The following MAPK10 variants were observed in gnomAD, a reference collection of about 807,000 sequenced individuals.
The protein encoded by MAPK10 is JNK3 alpha protein kinase.
MAPK10 carries 25 observed loss-of-function variants against 59.3 expected under a neutral mutation model. The ratio of observed to expected loss-of-function variants is 0.42; its 90% CI spans 0.31 to 0.59. MAPK10 has a LOEUF of 0.59. MAPK10 is among the 20% of genes least tolerant of loss of function. MAPK10 has a pLI of 0.15. For missense variants in MAPK10, 351 were observed against 568.9 expected (o/e 0.62, Z 3.90); for synonymous variants, 190 against 200.5 (o/e 0.95, Z 0.44).
At chr4:86,373,456 A>G (rs1739237147) in intron 1 of MAPK10, among the ~76,000 whole-genome samples, 1 of 152,246 alleles carries the variant, frequency 6.6e-6, no homozygotes, top group African/African-American at 2.4e-5. Flanking sequence ...AGAAGCTATC[A>G]TCAGAGTGAA....
At chr4:86,118,531 G>A (rs540580201) in intron 4 of MAPK10, among the ~76,000 whole-genome samples, 5 of 151,332 alleles carry the variant, frequency 3.3e-5, no homozygotes, top group South Asian at 4.2e-4. Context: ...GCTTGATGAT[G>A]CTATAAAGCT....
intron 1 of MAPK10, among the ~76,000 whole-genome samples, chr4:86,501,537 C>G (rs1351672212): frequency 6.6e-6 from 1 of 152,012 alleles, no homozygotes; most frequent in African/African-American, 2.4e-5. Context: ...AAGAGCCCAG[C>G]TGGTAAGGAG....
intron 4 of MAPK10, chr4:86,118,012 G>A (rs570371829): frequency 2.0e-5 from 3 of 152,202 alleles, no homozygotes; most frequent in South Asian, 2.1e-4. Context: ...AGTCATTCAA[G>A]GTAGCCCAGA....
At chr4:86,165,692 C>T (rs747410056) in intron 3 of MAPK10, among the ~76,000 whole-genome samples, 1 of 151,478 alleles carries the variant, frequency 6.6e-6, no homozygotes, top group African/African-American at 2.4e-5. Context: ...TGAGCCACAG[C>T]ACCTGGCCTT....
At chr4:86,565,861 T>C (rs1425246765) in intron 1 of MAPK10, among the ~76,000 whole-genome samples, 1 of 152,202 alleles carries the variant, frequency 6.6e-6, no homozygotes, top group Non-Finnish European at 1.5e-5. Flanking sequence ...ACTACTTCCT[T>C]AAATAAAACT....
intron 2 of MAPK10, among the ~76,000 whole-genome samples, chr4:86,347,239 G>C (rs963973960): frequency 2.0e-5 from 3 of 152,094 alleles, no homozygotes; most frequent in South Asian, 2.1e-4. Flanking sequence ...GAATAGCTTT[G>C]TTATGTTAAC....
intron 2 of MAPK10, among the ~76,000 whole-genome samples, 161 bp downstream of exon 2, chr4:86,354,369 C>A (rs1436663804): frequency 1.3e-5 from 2 of 152,100 alleles, no homozygotes; most frequent in Non-Finnish European, 2.9e-5. Context: ...TAGTACCACA[C>A]CAACTATTAA....
intron 5 of MAPK10, among the ~76,000 whole-genome samples, chr4:86,106,413 T>G (rs1232607555): frequency 6.7e-6 from 1 of 149,502 alleles, no homozygotes; most frequent in African/African-American, 2.4e-5. Flanking sequence ...AAATAAAATT[T>G]TATTTATAAT....
intron 2 of MAPK10, among the ~76,000 whole-genome samples, chr4:86,213,438 A>G (rs2086435758): frequency 6.6e-6 from 1 of 152,142 alleles, no homozygotes; most frequent in South Asian, 2.1e-4. Flanking sequence ...AAGATTAACA[A>G]AATTGACAAA....
chr4:86,358,988 C>T (rs1735870842), intron 1 of MAPK10: 1 of 152,068 alleles, frequency 6.6e-6, no homozygotes, highest in South Asian at 2.1e-4. Flanking sequence ...TATCTCTAAC[C>T]TGACCCCTGT....
At chr4:86,174,580 C>A (rs982905102) in intron 3 of MAPK10, among the ~76,000 whole-genome samples, 14 of 152,124 alleles carry the variant, frequency 9.2e-5, no homozygotes, top group African/African-American at 3.4e-4. Context: ...GCTGCACTTT[C>A]TGCAAATGTA....
intron 2 of MAPK10, among the ~76,000 whole-genome samples, chr4:86,251,015 C>CA (rs1178739531): frequency 1.0e-3 from 151 of 150,944 alleles, no homozygotes; most frequent in African/African-American, 3.5e-3. Context: ...GGGAGCAACT[C>CA]AGAGAAGTGA....
chr4:86,515,483 C>T (rs1298073474), intron 1 of MAPK10, among the ~76,000 whole-genome samples: 4 of 152,170 alleles, frequency 2.6e-5, no homozygotes, highest in Non-Finnish European at 5.9e-5. Flanking sequence ...TTCACCATAT[C>T]CATGCCAATA....
At chr4:86,433,847 T>C (rs1374694392) in intron 1 of MAPK10, among the ~76,000 whole-genome samples, 3 of 152,108 alleles carry the variant, frequency 2.0e-5, no homozygotes, top group Admixed American at 6.5e-5. Context: ...TCATGACACA[T>C]GAATGAGCCA....
intron 2 of MAPK10, among the ~76,000 whole-genome samples, chr4:86,321,216 C>A (rs548947393): frequency 6.6e-6 from 1 of 152,016 alleles, no homozygotes; most frequent in East Asian, 1.9e-4. Context: ...ACCATTTGAC[C>A]CAGCCATCCC....
chr4:86,069,162 A>G (rs1195419504), intron 9 of MAPK10, among the ~76,000 whole-genome samples: 1 of 152,186 alleles, frequency 6.6e-6, no homozygotes, highest in African/African-American at 2.4e-5. Flanking sequence ...CTGATTAAAG[A>G]TAAACTTAAC....
intron 9 of MAPK10, chr4:86,079,567 G>A (rs539863081): frequency 6.6e-6 from 1 of 152,196 alleles, no homozygotes; most frequent in South Asian, 2.1e-4. Context: ...ATAGTATTTT[G>A]AAAATGAGAA....
intron 9 of MAPK10, chr4:86,090,911 A>G (rs2052995719): frequency 6.6e-6 from 1 of 152,146 alleles, no homozygotes; most frequent in Non-Finnish European, 1.5e-5. Flanking sequence ...TTTCTCATTT[A>G]GTATAAAATT....
intron 11 of MAPK10, among the ~76,000 whole-genome samples, chr4:86,046,340 T>C (rs1463370569): frequency 6.6e-6 from 1 of 151,628 alleles, no homozygotes; most frequent in African/African-American, 2.4e-5. Flanking sequence ...TCCAATACTA[T>C]GTTGAATAGG....
Sources: allele counts gnomAD v4.1 joint callset (sites outside exome capture counted in the v4.1 genomes callset), GRCh38; gene constraint gnomAD v4.1.1; transcripts MANE v1.5; gene names NCBI Gene and HGNC (gene_info 2026-07-23, HGNC 2026-07-21).